TYW1: variants seen among roughly 807,000 people sequenced by gnomAD.
The protein encoded by TYW1 is tRNA-yW synthesizing protein 1 homolog, also known as S-adenosyl-L-methionine-dependent tRNA 4-demethylwyosine synthase TYW1.
In TYW1, 46 loss-of-function variants were observed where a neutral mutation model predicts 96.2. That is an observed-to-expected ratio of 0.48 (90% confidence interval 0.38 to 0.61). TYW1 has a LOEUF of 0.61. Ranked by LOEUF, TYW1 falls within the 20% of genes least tolerant of loss-of-function variation. The probability of loss-of-function intolerance (pLI) is 0.00; values close to 1 mark genes in which losing one functional copy is unlikely to be tolerated. For missense variants in TYW1, 684 were observed against 909.6 expected (o/e 0.75, Z 3.19); for synonymous variants, 274 against 323.0 (o/e 0.85, Z 1.63).
chr7:67,118,899 A>G (rs1423100547), intron 13 of TYW1, among the ~76,000 whole-genome samples: 3 of 124,766 alleles, frequency 2.4e-5, no homozygotes, highest in Non-Finnish European at 5.0e-5. Context: ...AAAAAAAAAA[A>G]AAAAAAAAGG....
intron 15 of TYW1, among the ~76,000 whole-genome samples, chr7:67,200,339 G>A (rs886734926): frequency 6.6e-6 from 1 of 152,110 alleles, no homozygotes; most frequent in African/African-American, 2.4e-5. Flanking sequence ...ACCCGAGACT[G>A]GGTAATTTAT....
chr7:67,069,868 G>A (rs1031667546), intron 10 of TYW1, among the ~76,000 whole-genome samples: 2 of 152,160 alleles, frequency 1.3e-5, no homozygotes, highest in Non-Finnish European at 2.9e-5. Flanking sequence ...TCTGTTTAGT[G>A]TCCTTTCATT....
At chr7:67,095,181 T>C (rs1420217274) in intron 11 of TYW1, among the ~76,000 whole-genome samples, 2 of 151,944 alleles carry the variant, frequency 1.3e-5, no homozygotes, top group Non-Finnish European at 2.9e-5. Context: ...GTAGTTTTAG[T>C]AGAGATGAGG....
At chr7:67,054,312 C>T (rs1469937789) in intron 8 of TYW1, among the ~76,000 whole-genome samples, 2 of 151,930 alleles carry the variant, frequency 1.3e-5, no homozygotes, top group Admixed American at 1.3e-4. Context: ...TTTATAGAAA[C>T]CTATGTATCT....
intron 13 of TYW1, among the ~76,000 whole-genome samples, chr7:67,143,837 C>A (rs1398414743): frequency 6.6e-6 from 1 of 152,166 alleles, no homozygotes; most frequent in Non-Finnish European, 1.5e-5. Flanking sequence ...TAAAAACATT[C>A]AAGTAATCAT....
At chr7:67,194,957 A>G (rs1800342106) in intron 14 of TYW1, among the ~76,000 whole-genome samples, 1 of 145,756 alleles carries the variant, frequency 6.9e-6, no homozygotes, top group Admixed American at 6.9e-5. Flanking sequence ...AATGTCATAG[A>G]GTAGCAAGAG....
chr7:67,021,770 T>G (rs1185730770), intron 6 of TYW1, among the ~76,000 whole-genome samples: 2 of 152,212 alleles, frequency 1.3e-5, no homozygotes, highest in Non-Finnish European at 2.9e-5. Context: ...TTGATTTGAT[T>G]TGATGTGAAG....
chr7:67,142,118 C>T (rs1198215636), intron 13 of TYW1, among the ~76,000 whole-genome samples: 2 of 152,118 alleles, frequency 1.3e-5, no homozygotes, highest in Non-Finnish European at 1.5e-5. Context: ...TATTTAGAGA[C>T]AGGGACTTGT....
intron 13 of TYW1, among the ~76,000 whole-genome samples, chr7:67,123,340 T>A (rs1797817974): frequency 6.6e-6 from 1 of 152,222 alleles, no homozygotes; most frequent in Non-Finnish European, 1.5e-5. Flanking sequence ...TAAAATACTA[T>A]CCTGCTTTCA....
intron 4 of TYW1, among the ~76,000 whole-genome samples, chr7:67,013,739 C>CT (rs931500833): frequency 0.08 from 7,810 of 97,596 alleles, 712 homozygotes; most frequent in African/African-American, 0.17. Flanking sequence ...GCATTTTTTC[C>CT]TTTTTTTTTT....
chr7:67,171,192 A>G (rs150187055), intron 13 of TYW1, among the ~76,000 whole-genome samples: 5,158 of 152,084 alleles, frequency 0.034, 261 homozygotes, highest in African/African-American at 0.12. Flanking sequence ...ATAGTTGTTC[A>G]TAGTATTTTC....
At chr7:67,066,975 G>A (rs1562994178) in intron 9 of TYW1, among the ~76,000 whole-genome samples, 1 of 152,182 alleles carries the variant, frequency 6.6e-6, no homozygotes, top group African/African-American at 2.4e-5. Context: ...CTGTTTCCTA[G>A]CATTATATAT....
intron 13 of TYW1, among the ~76,000 whole-genome samples, chr7:67,175,451 A>G (rs1305326536): frequency 2.0e-5 from 3 of 152,200 alleles, no homozygotes; most frequent in African/African-American, 7.2e-5. Context: ...GATTACAGGC[A>G]TAAGCCACTG....
At chr7:67,087,441 A>T (rs1796580967) in intron 11 of TYW1, among the ~76,000 whole-genome samples, 1 of 152,206 alleles carries the variant, frequency 6.6e-6, no homozygotes, top group Non-Finnish European at 1.5e-5. Flanking sequence ...GAAAGAATAG[A>T]GCACGTCTAT....
chr7:67,024,896 C>T lies in TYW1; in HGVS notation c.862-4C>T. ...AATGTATTTCTGAAGCATTTCTCTT[C>T]CAGGAGGAAGAACCCTTTGAGAGCT... On this transcript the variant is annotated splice_region_variant and splice_polypyrimidine_tract_variant and intron_variant, in intron 6 of 15. Transcript: ENST00000359626. 1 of 1,613,642 alleles carries T rather than the reference C, an allele frequency of 6.2e-7. No homozygotes were observed. Among genetic ancestry groups the T allele is most frequent in the South Asian group, 1.1e-5 (1 of 91,032 alleles).
At chr7:67,030,416 G>T (rs1712718310) in intron 7 of TYW1, among the ~76,000 whole-genome samples, 1 of 151,588 alleles carries the variant, frequency 6.6e-6, no homozygotes, top group South Asian at 2.1e-4. Context: ...GATCACCTGA[G>T]GTCACGAGTT....
intron 3 of TYW1, among the ~76,000 whole-genome samples, chr7:67,001,132 A>G (rs13340529): frequency 6.6e-6 from 1 of 151,992 alleles, no homozygotes; most frequent in African/African-American, 2.4e-5. Context: ...TGCAGATGGT[A>G]ACAAATCCAG....
intron 7 of TYW1, among the ~76,000 whole-genome samples, chr7:67,025,498 AG>A (rs1435350530): frequency 6.6e-6 from 1 of 152,150 alleles, no homozygotes; most frequent in Non-Finnish European, 1.5e-5. Flanking sequence ...GGCTATTTGA[AG>A]ATGAACAGCA....
chr7:67,048,133 T>C (rs867680172), intron 7 of TYW1, among the ~76,000 whole-genome samples: 2 of 110,268 alleles, frequency 1.8e-5, no homozygotes, highest in Middle Eastern at 4.0e-3. Context: ...CAGAGTGATA[T>C]AGTGAATTCT....
Sources: gnomAD v4.1 joint callset for allele counts (sites outside exome capture counted in the v4.1 genomes callset) on GRCh38, gnomAD v4.1.1 for gene constraint, MANE v1.5 for transcripts, NCBI Gene and HGNC (gene_info 2026-07-23, HGNC 2026-07-21) for gene names.